FAM221A: variants seen among roughly 807,000 people sequenced by gnomAD.
The protein encoded by FAM221A is family with sequence similarity 221 member A, also known as protein FAM221A.
A neutral mutation model predicts 37.6 loss-of-function variants in FAM221A; 43 were observed. The observed-to-expected ratio is 1.15, with a 90% CI of 0.90 to 1.48. The LOEUF is 1.48. Among genes scored for constraint, FAM221A ranks in the 40% most tolerant of loss-of-function variants. The pLI is 0.00. For missense variants in FAM221A, 361 were observed against 361.5 expected (o/e 1.00, Z 0.01); for synonymous variants, 135 against 132.9 (o/e 1.02, Z -0.11).
At chr7:23,691,096 G>A (rs1784714211) in intron 3 of FAM221A, among the ~76,000 whole-genome samples, 3 of 152,002 alleles carry the variant, frequency 2.0e-5, no homozygotes, top group South Asian at 4.1e-4. Context: ...GGCTCTCCCC[G>A]CCATGCCTGC....
At chr7:23,700,919 G>A in intron 6 of FAM221A, 51 bp downstream of exon 6, 1 of 1,141,684 alleles carries the variant, frequency 8.8e-7, no homozygotes, top group East Asian at 2.4e-5. Context: ...TGTAGCAAAA[G>A]CACTAGAATG....
At position 23,698,427 on chromosome 7, in the gene FAM221A, T is replaced by G. The variant is rs1027592455; in HGVS notation, c.745+128T>G. 463 of 631,274 alleles carry G rather than the reference T, an allele frequency of 7.3e-4. 2 individuals carry two copies. Among genetic ancestry groups the G allele is most frequent in the Non-Finnish European group, 7.0e-4 (253 of 359,530 alleles). The allele number at this position is 631,274 out of a possible 1,614,324, so 39.1% of individuals were successfully genotyped here. ...TTTAACTTCAAGTTAAGCTATCATTTTACTTTCTTTTATGTAAGCCACACA... is the reference window on the plus strand; with the variant it reads ...TTTAACTTCAAGTTAAGCTATCATTGTACTTTCTTTTATGTAAGCCACACA... On this transcript the variant is annotated intron_variant, in intron 5 of 6. Transcript: ENST00000344962.
At chr7:23,680,581 C>T in intron 1 of FAM221A, 2 of 372,782 alleles carry the variant, frequency 5.4e-6, no homozygotes, top group South Asian at 4.2e-5. Context: ...TTTTAAATGG[C>T]CATTGAAAAC....
At chr7:23,680,987 C>T (rs1266575545) in intron 1 of FAM221A, among the ~76,000 whole-genome samples, 1 of 152,126 alleles carries the variant, frequency 6.6e-6, no homozygotes, top group African/African-American at 2.4e-5. Flanking sequence ...CCAGGGAGGC[C>T]GGAGCGAGCG....
rs1335320039 is a variant in FAM221A at position 23,691,574 on chromosome 7, G to A, written c.615G>A (p.Met205Ile). 5.6e-6 allele frequency: 9 copies of A among 1,614,122 alleles called. No homozygotes were observed. Among genetic ancestry groups the A allele is most frequent in the Non-Finnish European group, 7.6e-6 (9 of 1,179,996 alleles). ...TGFSSLAEGYMRLDDSGIGVP... is the reference protein window; with the variant it reads ...TGFSSLAEGYIRLDDSGIGVP... ...TCAGCTCGCTGGCGGAAGGCTACAT[G>A]CGGTTAGATGACAGTGGGATTGGTA... Residue 205 changes from methionine to isoleucine, a missense_variant, in exon 4 of 7, where the codon ATG (methionine) becomes ATA (isoleucine). Physicochemically the swap from Met to Ile is conservative, Grantham distance 10. Transcript: ENST00000344962.
At chr7:23,686,447 T>TAG (rs1320839504) in intron 2 of FAM221A, 1 of 304,418 alleles carries the variant, frequency 3.3e-6, no homozygotes, top group African/African-American at 2.3e-5. Context: ...TATTTTTTTG[T>TAG]AGAGAAGTGG....
At chr7:23,692,340 C>G (rs1167863555) in intron 4 of FAM221A, 1 of 489,806 alleles carries the variant, frequency 2.0e-6, no homozygotes, top group African/African-American at 2.1e-5. Context: ...ATTTTCTTTT[C>G]TTTTCTTTTT....
intron 6 of FAM221A, among the ~76,000 whole-genome samples, chr7:23,701,869 C>T (rs554732248): frequency 6.6e-6 from 1 of 152,160 alleles, no homozygotes; most frequent in Non-Finnish European, 1.5e-5. Context: ...ATTGTTTTCT[C>T]TAAAGCAATA....
At position 23,702,084 on chromosome 7, in the gene FAM221A, T is replaced by A; in HGVS notation, c.829-12T>A. Reference sequence around the variant, plus strand: ...ACAAGTTATTATATCAATAAATATGTTAAATTTACAGATGAAAATGGAAAA... The same window carrying A: ...ACAAGTTATTATATCAATAAATATGATAAATTTACAGATGAAAATGGAAAA... On this transcript the variant is annotated splice_polypyrimidine_tract_variant and intron_variant, in intron 6 of 6. Transcript: ENST00000344962. 1 of 1,570,848 alleles carries A rather than the reference T, an allele frequency of 6.4e-7. No homozygotes were observed. The highest frequency in any genetic ancestry group is 1.4e-5 in the African/African-American group (1 of 73,192).
At chr7:23,680,322 G>C (rs1406351432) in intron 1 of FAM221A, 39 bp downstream of exon 1, 1 of 1,496,582 alleles carries the variant, frequency 6.7e-7, no homozygotes, top group Non-Finnish European at 9.0e-7. Context: ...CCGCCGCTCC[G>C]AGGGGCCAGG....
At chr7:23,689,190 G>T (rs1441461319) in intron 2 of FAM221A, 79 bp from the exon 3 acceptor site, 14 of 926,472 alleles carry the variant, frequency 1.5e-5, no homozygotes, top group Admixed American at 4.8e-5. Context: ...AATCATATCT[G>T]CCTTTAATAT....
At chr7:23,693,933 T>A (rs1025773200) in intron 4 of FAM221A, 1 of 152,194 alleles carries the variant, frequency 6.6e-6, no homozygotes, top group African/African-American at 2.4e-5. Context: ...TATCAACCCA[T>A]CATCTAGGTT....
chr7:23,682,465 T>C (rs994483904), intron 1 of FAM221A, among the ~76,000 whole-genome samples: 1 of 149,098 alleles, frequency 6.7e-6, no homozygotes, highest in Non-Finnish European at 1.5e-5. Context: ...AGAGTCTTGC[T>C]CTGCTGCCCA....
intron 3 of FAM221A, among the ~76,000 whole-genome samples, chr7:23,691,067 C>T (rs944140822): frequency 4.6e-5 from 7 of 152,142 alleles, no homozygotes; most frequent in Non-Finnish European, 1.0e-4. Flanking sequence ...ATTATCTCTT[C>T]ACCTGGTCCT....
chr7:23,701,023 A>T (rs1210656626), intron 6 of FAM221A, among the ~76,000 whole-genome samples, 155 bp downstream of exon 6: 2 of 152,186 alleles, frequency 1.3e-5, no homozygotes, highest in African/African-American at 4.8e-5. Flanking sequence ...GAATACACAG[A>T]AACAGGGCTA....
intron 2 of FAM221A, 124 bp downstream of exon 2, chr7:23,684,796 A>C: frequency 1.1e-6 from 1 of 932,888 alleles, no homozygotes; most frequent in Non-Finnish European, 1.5e-6. Flanking sequence ...TAGAGTAGAA[A>C]TTATCAGCTG....
intron 1 of FAM221A, among the ~76,000 whole-genome samples, chr7:23,682,427 A>G (rs1416293571): frequency 4.4e-5 from 3 of 67,920 alleles, no homozygotes; most frequent in African/African-American, 9.5e-5. Context: ...TATTATTATT[A>G]TTATTATTAT....
chr7:23,692,786 T>C (rs528127354), intron 4 of FAM221A: 1 of 941,938 alleles, frequency 1.1e-6, no homozygotes, highest in East Asian at 1.2e-4. Context: ...AATTAATTTT[T>C]CTCTTTAACA....
At chr7:23,695,752 A>G (rs112123496) in intron 4 of FAM221A, among the ~76,000 whole-genome samples, 46 of 152,342 alleles carry the variant, frequency 3.0e-4, no homozygotes, top group African/African-American at 1.1e-3. Flanking sequence ...TGTTTATAAA[A>G]AAGCAAAAGT....
Sources: allele counts gnomAD v4.1 joint callset (sites outside exome capture counted in the v4.1 genomes callset), GRCh38; gene constraint gnomAD v4.1.1; transcripts MANE v1.5; gene names NCBI Gene and HGNC (gene_info 2026-07-23, HGNC 2026-07-21).